The following PAX4 variants were observed in gnomAD, a reference collection of about 807,000 sequenced individuals.
PAX4 encodes the protein paired box protein Pax-4.
Under a neutral mutation model 40.6 loss-of-function variants are expected in PAX4, and 33 were observed. The ratio of observed to expected loss-of-function variants is 0.81; its 90% CI spans 0.62 to 1.09. PAX4 has a LOEUF of 1.09. Ranked by LOEUF, PAX4 falls within the 50% of genes least tolerant of loss-of-function variation. PAX4 has a pLI of 0.00. For missense variants in PAX4, 459 were observed against 442.5 expected (o/e 1.04, Z -0.33); for synonymous variants, 174 against 170.6 (o/e 1.02, Z -0.16).
In PAX4 at chr7:127,617,301, A is replaced by AC. The variant is rs1193821659; in HGVS notation, c.-127dup. ...TGTTTCTAGGTAGGTAGAGGCACAG[A>AC]CCCCTTCAAATTCTCATCTTTCCAA... On this transcript the variant is annotated 5_prime_UTR_variant, in exon 2 of 12. Coordinates refer to ENST00000639438, the MANE Select transcript of PAX4 (RefSeq NM_001366110.1). 6.6e-6 allele frequency: 1 copy of AC among 152,122 alleles called. No individual in the cohort carries two copies. Among genetic ancestry groups the AC allele is most frequent in the African/African-American group, 2.4e-5 (1 of 41,414 alleles). 9.4% of individuals were successfully genotyped at this position (152,122 alleles called of 1,614,324 possible). A position where few individuals can be genotyped will look rare whatever the true frequency, so the allele number is the denominator to read the frequency against.
In PAX4 at chr7:127,613,523, C is replaced by T. The variant is rs145284016; in HGVS notation, c.572G>A (p.Arg191His). The T allele has an allele frequency of 7.7e-5, 124 of 1,614,146 alleles. No individual in the cohort carries two copies. Among genetic ancestry groups the T allele is most frequent in the African/African-American group, 1.2e-4 (9 of 75,026 alleles). ...QAEALEKEFQ[R>H]GQYPDSVARG... ...GGCCACTGAATCAGGATACTGCCCA[C>T]GCTGGAACTCTGCGGAGATCGAGTC... The change falls in exon 8 of 12, where the codon CGT (arginine) becomes CAT (histidine). Residue 191 changes from arginine (R) to histidine (H), a missense_variant. Physicochemically the swap from Arg to His is conservative, Grantham distance 29. Coordinates refer to ENST00000639438, the MANE Select transcript of PAX4 (RefSeq NM_001366110.1).
chr7:127,612,697 G>A (rs1794652690), intron 9 of PAX4, among the ~76,000 whole-genome samples: 1 of 150,810 alleles, frequency 6.6e-6, no homozygotes, highest in Non-Finnish European at 1.5e-5. Context: ...ATGAATGGAT[G>A]GATGGATAGA....
rs1024776568 is a variant in PAX4 at position 127,615,898 on chromosome 7, T to C, written c.13+18A>G. The stretch of plus-strand genomic sequence containing the variant: ...TCTGTTGTCCTCCCTGTCTTCCCAC[T>C]TCCCCCAGGCTCCTCACCGTCCTGA... On this transcript the variant is annotated intron_variant, in intron 3 of 11. Coordinates refer to ENST00000639438, the MANE Select transcript of PAX4 (RefSeq NM_001366110.1). 4 of 1,536,072 alleles carry C rather than the reference T, an allele frequency of 2.6e-6. No individual in the cohort carries two copies. In the South Asian group the frequency reaches 4.8e-5, roughly 18 times the overall value.
chr7:127,612,467 G>GGATGGA (rs1794645382), intron 9 of PAX4, among the ~76,000 whole-genome samples: 4 of 141,836 alleles, frequency 2.8e-5, no homozygotes, highest in African/African-American at 1.1e-4. Context: ...GAATGAATGG[G>GGATGGA]TGGATGGATG....
At chr7:127,615,895 C>A (rs752605856) in intron 3 of PAX4, 21 bp downstream of exon 3, 1 of 1,536,094 alleles carries the variant, frequency 6.5e-7, no homozygotes, top group Non-Finnish European at 8.7e-7. Flanking sequence ...CCTGTCTTCC[C>A]ACTTCCCCCA....
chr7:127,615,513 T>C lies in PAX4; in HGVS notation c.32A>G (p.Gln11Arg). The change falls in exon 4 of 12, where the codon CAG becomes CGG. Residue 11 changes from glutamine (Q) to arginine (R), a missense_variant. Transcript: ENST00000639438. ...GCCATTCACAAAGAGCCCCCCAAGC[T>C]GGTTCATGCTGCTGATCCCTGGGCG... The part of the protein sequence containing the change: MHQDGISSMN[Q>R]LGGLFVNGRP... 6.2e-7 allele frequency: 1 copy of C among 1,614,102 alleles called. No homozygotes were observed. The highest frequency in any genetic ancestry group is 8.5e-7 in the Non-Finnish European group (1 of 1,179,996).
At position 127,611,613 on chromosome 7, in the gene PAX4, A is replaced by G. The variant is rs1204385403; in HGVS notation, c.835T>C (p.Tyr279His). 1.2e-6 allele frequency: 2 copies of G among 1,613,846 alleles called. No individual in the cohort carries two copies. Among genetic ancestry groups the G allele is most frequent in the East Asian group, 4.5e-5 (2 of 44,862 alleles). ...PALEPLGPSCYQLCWATAPER... is the reference protein window; with the variant it reads ...PALEPLGPSCHQLCWATAPER... Reference sequence around the variant, plus strand: ...GGTGCTGTTGCCCAGCACAGCTGATAGCAGGAGGGACCCAGTGGTTCCAGG... The same window carrying G: ...GGTGCTGTTGCCCAGCACAGCTGATGGCAGGAGGGACCCAGTGGTTCCAGG... Residue 279 changes from tyrosine (Y) to histidine (H), a missense_variant, in exon 11 of 12, where the codon TAT becomes CAT. Tyr to His is a moderately conservative substitution (Grantham distance 83). Transcript: ENST00000639438.
chr7:127,612,347 A>T (rs1263395665), intron 9 of PAX4, among the ~76,000 whole-genome samples: 2 of 152,072 alleles, frequency 1.3e-5, no homozygotes, highest in Non-Finnish European at 2.9e-5. Flanking sequence ...TAATGGAAAG[A>T]TGGATGGATG....
Position 127,611,043 on chromosome 7 carries a change from C to T in PAX4, c.*21G>A. On this transcript the variant is annotated 3_prime_UTR_variant, in exon 12 of 12. Transcript: ENST00000639438. The stretch of plus-strand genomic sequence containing the variant: ...GGATGGTATTAGATCTTCTCTATGC[C>T]ATCTCCTTCCCACTCCTGCCTCATT... 1 of 1,591,200 alleles carries T rather than the reference C, an allele frequency of 6.3e-7. No homozygotes were observed. The highest frequency in any genetic ancestry group is 2.3e-5 in the East Asian group (1 of 44,052).
chr7:127,610,636 C>A lies in PAX4; in HGVS notation c.*428G>T. Reference sequence around the variant, plus strand: ...CATACATAGAGTAGGTAAATTGATGCATTGACAAATACATTGTTTAGATAC... The same window carrying A: ...CATACATAGAGTAGGTAAATTGATGAATTGACAAATACATTGTTTAGATAC... On this transcript the variant is annotated 3_prime_UTR_variant, in exon 12 of 12. Transcript: ENST00000639438. 3.5e-6 allele frequency: 2 copies of A among 570,212 alleles called. No homozygotes were observed. The highest frequency in any genetic ancestry group is 3.1e-6 in the Non-Finnish European group (1 of 318,500). 35.3% of individuals were successfully genotyped at this position (570,212 alleles called of 1,614,324 possible).
chr7:127,614,411 A>C, intron 6 of PAX4, 71 bp downstream of exon 6: 1 of 1,238,622 alleles, frequency 8.1e-7, no homozygotes, highest in South Asian at 1.3e-5. Flanking sequence ...AAGAACGAGA[A>C]AGGGCTTTGA....
At position 127,611,066 on chromosome 7, in the gene PAX4, A is replaced by T; in HGVS notation, c.1054T>A (p.Ter352ArgextTer9). The T allele has an allele frequency of 6.2e-7, 1 of 1,604,482 alleles. No individual in the cohort carries two copies. The highest frequency in any genetic ancestry group is 1.3e-5 in the African/African-American group (1 of 74,938). Residue 352 changes from the stop codon to arginine (R), a stop_lost, in exon 12 of 12, where the codon TGA becomes AGA. Coordinates refer to ENST00000639438, the MANE Select transcript of PAX4 (RefSeq NM_001366110.1). The stretch of plus-strand genomic sequence containing the variant: ...GCCATCTCCTTCCCACTCCTGCCTC[A>T]TTCCAAGCCATACAGTAGTGGGCAG... ...PGCPLLYGLE[*>R]
At chr7:127,615,842 T>C (rs1228511585) in intron 3 of PAX4, 74 bp downstream of exon 3, 3 of 1,534,032 alleles carry the variant, frequency 2.0e-6, no homozygotes, top group Admixed American at 2.0e-5. Context: ...AAACAGTTGA[T>C]GGAAGCAAAG....
rs181513994 is a variant in PAX4 at position 127,616,017 on chromosome 7, G to A, written c.-89C>T. 2.1e-6 allele frequency: 3 copies of A among 1,450,186 alleles called. No homozygotes were observed. The highest frequency in any genetic ancestry group is 1.9e-6 in the Non-Finnish European group (2 of 1,070,354). 89.8% of individuals were successfully genotyped at this position (1,450,186 alleles called of 1,614,324 possible). ...CTTCTAGGAGCTCCTTTTCCAGCTT[G>A]GGGGCTGGCTCTGCAATAATGGGGG... On this transcript the variant is annotated 5_prime_UTR_variant, in exon 3 of 12. Transcript: ENST00000639438.
intron 2 of PAX4, among the ~76,000 whole-genome samples, chr7:127,616,250 G>T (rs1794722024): frequency 6.6e-6 from 1 of 152,190 alleles, no homozygotes; most frequent in Non-Finnish European, 1.5e-5. Flanking sequence ...GGGCTGGGAG[G>T]ATTGAGAGGG....
Position 127,611,686 on chromosome 7 carries a change from A to AT in PAX4, c.772-11_772-10insA, listed in dbSNP as rs753373270. The AT allele has an allele frequency of 1.2e-6, 2 of 1,608,988 alleles. No individual in the cohort carries two copies. ...CACTGCCAGGGGACTGCTAAAAAAA[A>AT]AAAGCAAGAGAAGAACCTTAGCTTC... On this transcript the variant is annotated splice_polypyrimidine_tract_variant and intron_variant, in intron 10 of 11. Coordinates refer to ENST00000639438, the MANE Select transcript of PAX4 (RefSeq NM_001366110.1).
Position 127,611,988 on chromosome 7 carries a change from C to T in PAX4, c.728G>A (p.Gly243Glu). The T allele has an allele frequency of 3.1e-6, 5 of 1,613,986 alleles. No individual in the cohort carries two copies. The highest frequency in any genetic ancestry group is 1.1e-5 in the South Asian group (1 of 91,050). Residue 243 changes from glycine (G) to glutamate (E), a missense_variant, in exon 10 of 12, where the codon GGG (glycine) becomes GAG (glutamate). Coordinates refer to ENST00000639438, the MANE Select transcript of PAX4 (RefSeq NM_001366110.1). ...WEMQLPGASQ[G>E]LTVPRVAPGI... ...TGGGGCAACCCTTGGTACAGTCAGC[C>T]CCTGGGAAGCACCTATAAAATGAGA...
chr7:127,612,406 C>T (rs745620190), intron 9 of PAX4, among the ~76,000 whole-genome samples: 3 of 145,220 alleles, frequency 2.1e-5, no homozygotes, highest in Non-Finnish European at 4.5e-5. Context: ...TGGGCGGATG[C>T]ATGGGTGGAT....
In PAX4 at chr7:127,617,339, G is replaced by C. The variant is rs1015730153; in HGVS notation, c.-164C>G. On this transcript the variant is annotated 5_prime_UTR_variant, in exon 2 of 12. Transcript: ENST00000639438. ...CTCATCTTTCCAAAAAGTCGGGAAA[G>C]AAGGCAGAGGTTTTCCAAAGAGAAA... 2 of 152,216 alleles carry C rather than the reference G, an allele frequency of 1.3e-5. No homozygotes were observed. Among genetic ancestry groups the C allele is most frequent in the Non-Finnish European group, 2.9e-5 (2 of 68,048 alleles). 9.4% of individuals were successfully genotyped at this position (152,216 alleles called of 1,614,324 possible).
Sources: allele counts gnomAD v4.1 joint callset (sites outside exome capture counted in the v4.1 genomes callset), GRCh38; gene constraint gnomAD v4.1.1; transcripts MANE v1.5; gene names NCBI Gene and HGNC (gene_info 2026-07-23, HGNC 2026-07-21).